Variants in HS6ST1 observed in about 807,000 individuals in gnomAD.
The protein encoded by HS6ST1 is heparan-sulfate 6-O-sulfotransferase 1.
A neutral mutation model predicts 25.2 loss-of-function variants in HS6ST1; 3 were observed. The ratio of observed to expected loss-of-function variants is 0.12; its 90% CI spans 0.05 to 0.31. The LOEUF is 0.31. Among genes scored for constraint, HS6ST1 ranks in the 10% least tolerant of loss-of-function variants. HS6ST1 has a pLI of 1.00. For missense variants in HS6ST1, 310 were observed against 609.6 expected, an observed-to-expected ratio of 0.51 and a Z score of 5.18; for synonymous variants, 204 against 275.1, an observed-to-expected ratio of 0.74 and a Z score of 2.56.
intron 1 of HS6ST1, among the ~76,000 whole-genome samples, chr2:128,276,676 G>A (rs919879455): frequency 3.9e-5 from 6 of 152,140 alleles, no homozygotes; most frequent in African/African-American, 1.4e-4. Flanking sequence ...AAGGAAGAAA[G>A]ACAAATTGAG....
At chr2:128,311,597 G>A (rs979960584) in intron 1 of HS6ST1, among the ~76,000 whole-genome samples, 1 of 152,242 alleles carries the variant, frequency 6.6e-6, no homozygotes, top group Non-Finnish European at 1.5e-5. Context: ...ACACCCCACA[G>A]TCTTTCATAG....
chr2:128,286,918 C>G lies in HS6ST1; in HGVS notation c.528-18048G>C, dbSNP rs138594266. 1.3e-4 allele frequency among the ~76,000 whole-genome samples: 20 copies of G among 152,296 alleles called. No homozygotes were observed. The East Asian group carries it at 3.9e-3, about 29-fold the overall frequency. ...GCCTGGGGAACAGCATCCCCCAAAG[C>G]AGGAGGCCCCTCTGAATGCCTCCTA... On this transcript the variant is annotated intron_variant, in intron 1 of 1. Transcript: ENST00000259241.
Position 128,266,137 on chromosome 2 carries a change from A to G in HS6ST1, c.*2025T>C, listed in dbSNP as rs918701856. On this transcript the variant is annotated 3_prime_UTR_variant, in exon 2 of 2. Transcript: ENST00000259241. ...TCAGGCCCGCGCACCCAGGAAGCCC[A>G]TGGTGAAGGTGAGGTCACCTTGAGC... 3 of 151,984 alleles carry G rather than the reference A, an allele frequency of 2.0e-5. No homozygotes were observed. The highest frequency in any genetic ancestry group is 7.3e-5 in the African/African-American group (3 of 41,374). The allele number at this position is 151,984 out of a possible 1,614,324, so 9.4% of individuals were successfully genotyped here.
At position 128,292,312 on chromosome 2, in the gene HS6ST1, A is replaced by G. The variant is rs1693966362; in HGVS notation, c.528-23442T>C. Among the ~76,000 whole-genome samples, 3 of 152,162 alleles carry G rather than the reference A, an allele frequency of 2.0e-5. No individual in the cohort carries two copies. In the South Asian group the frequency reaches 6.2e-4, roughly 32 times the overall value. ...CACGCCTGGCAGGACCCTGGCTTGG[A>G]GCGGCTTTAACTGTGGCTGGGCTCC... On this transcript the variant is annotated intron_variant, in intron 1 of 1. Transcript: ENST00000259241.
At chr2:128,314,331 C>T (rs1694331524) in intron 1 of HS6ST1, among the ~76,000 whole-genome samples, 1 of 152,128 alleles carries the variant, frequency 6.6e-6, no homozygotes, top group Non-Finnish European at 1.5e-5. Flanking sequence ...AGGGAAAGGG[C>T]AGGGACAGAG....
chr2:128,309,602 A>G (rs1490669643), intron 1 of HS6ST1, among the ~76,000 whole-genome samples: 1 of 152,214 alleles, frequency 6.6e-6, no homozygotes, highest in Non-Finnish European at 1.5e-5. Context: ...TTAACTCCAG[A>G]GTTTCAATCT....
intron 1 of HS6ST1, among the ~76,000 whole-genome samples, chr2:128,282,777 G>A (rs1028528079): frequency 2.6e-5 from 4 of 152,362 alleles, no homozygotes; most frequent in Admixed American, 6.5e-5. Context: ...CCTACCTGGA[G>A]GGGAGCTGGG....
intron 1 of HS6ST1, among the ~76,000 whole-genome samples, chr2:128,279,861 C>T (rs968715411): frequency 2.0e-5 from 3 of 152,186 alleles, no homozygotes; most frequent in Non-Finnish European, 4.4e-5. Flanking sequence ...GGAGAACATT[C>T]CTCTGAGGAC....
At chr2:128,311,151 T>C (rs956049263) in intron 1 of HS6ST1, among the ~76,000 whole-genome samples, 4 of 152,140 alleles carry the variant, frequency 2.6e-5, no homozygotes, top group Non-Finnish European at 4.4e-5. Flanking sequence ...TTTTTCAGCA[T>C]AACATACCCC....
chr2:128,268,912 C>G, intron 1 of HS6ST1, 42 bp from the exon 2 acceptor site: 1 of 1,538,844 alleles, frequency 6.5e-7, no homozygotes, highest in Non-Finnish European at 8.9e-7. Context: ...TGTGACGCAG[C>G]ATGAGGGGGG....
At chr2:128,295,780 A>G (rs1694032146) in intron 1 of HS6ST1, among the ~76,000 whole-genome samples, 1 of 152,238 alleles carries the variant, frequency 6.6e-6, no homozygotes, top group Non-Finnish European at 1.5e-5. Context: ...GATCATCTCA[A>G]CTGATGCAGA....
intron 1 of HS6ST1, among the ~76,000 whole-genome samples, chr2:128,276,492 C>G (rs1693697098): frequency 6.6e-6 from 1 of 152,104 alleles, no homozygotes; most frequent in African/African-American, 2.4e-5. Flanking sequence ...GAGGCTAGCC[C>G]TGGGGTGTGG....
intron 1 of HS6ST1, among the ~76,000 whole-genome samples, chr2:128,273,445 C>T (rs76504653): frequency 0.011 from 1,660 of 152,360 alleles, 12 homozygotes; most frequent in Non-Finnish European, 0.019. Flanking sequence ...GGCAGGGTGA[C>T]CTGCCCTTGG....
At chr2:128,313,884 T>A (rs912783377) in intron 1 of HS6ST1, among the ~76,000 whole-genome samples, 4 of 150,230 alleles carry the variant, frequency 2.7e-5, no homozygotes, top group African/African-American at 9.9e-5. Flanking sequence ...TAGAGGACCA[T>A]CTAAAACGAT....
intron 1 of HS6ST1, among the ~76,000 whole-genome samples, chr2:128,304,901 C>T (rs978252269): frequency 6.6e-6 from 1 of 152,236 alleles, no homozygotes; most frequent in Non-Finnish European, 1.5e-5. Context: ...TGAGCACCCA[C>T]ACACACTTGC....
intron 1 of HS6ST1, among the ~76,000 whole-genome samples, chr2:128,315,375 C>T (rs992685488): frequency 4.3e-4 from 65 of 152,294 alleles, no homozygotes; most frequent in African/African-American, 1.4e-3. Context: ...ACCTCTCTTA[C>T]GCGCACCACA....
At chr2:128,303,606 G>A (rs1325791075) in intron 1 of HS6ST1, among the ~76,000 whole-genome samples, 1 of 152,246 alleles carries the variant, frequency 6.6e-6, no homozygotes, top group East Asian at 1.9e-4. Flanking sequence ...ACCCCGTCAA[G>A]TGGGCACTTG....
At chr2:128,295,196 C>A (rs1694025451) in intron 1 of HS6ST1, among the ~76,000 whole-genome samples, 1 of 152,232 alleles carries the variant, frequency 6.6e-6, no homozygotes, top group Admixed American at 6.5e-5. Flanking sequence ...ATCCTTGCTG[C>A]CTCCCCTGTG....
intron 1 of HS6ST1, among the ~76,000 whole-genome samples, chr2:128,308,208 G>C (rs1046574082): frequency 6.6e-6 from 1 of 152,224 alleles, no homozygotes; most frequent in Non-Finnish European, 1.5e-5. Flanking sequence ...GGAGGCAGGG[G>C]TGGGGTGGAG....
Sources: allele counts gnomAD v4.1 joint callset (sites outside exome capture counted in the v4.1 genomes callset), GRCh38; gene constraint gnomAD v4.1.1; transcripts MANE v1.5; gene names NCBI Gene and HGNC (gene_info 2026-07-23, HGNC 2026-07-21).